Variants in GDF15 observed in about 807,000 individuals in gnomAD.
GDF15 encodes growth differentiation factor 15, also known as growth/differentiation factor 15.
Under a neutral mutation model 8.9 loss-of-function variants are expected in GDF15, and 10 were observed. The observed-to-expected ratio is 1.12, with a 90% CI of 0.69 to 1.90. GDF15 has a LOEUF of 1.90. Among genes scored for constraint, GDF15 ranks in the 40% most tolerant of loss-of-function variants. The pLI is 0.00. For missense variants in GDF15, 452 were observed against 434.2 expected (o/e 1.04, Z -0.36); for synonymous variants, 228 against 210.6 (o/e 1.08, Z -0.72).
In GDF15 at chr19:18,386,206, T is replaced by C; in HGVS notation, c.17T>C (p.Leu6Pro). ...TGCACAGCCATGCCCGGGCAAGAAC[T>C]CAGGACGGTGAATGGCTCTCAGATG... MPGQE[L>P]RTVNGSQMLL... is the part of the protein sequence containing the mutation. Residue 6 changes from leucine to proline, a missense_variant, in exon 1 of 2, where the codon CTC becomes CCC. By Grantham distance (98) the Leu-to-Pro change is moderately conservative. Transcript: ENST00000252809. The C allele has an allele frequency of 1.9e-6, 3 of 1,612,162 alleles. No individual in the cohort carries two copies. The highest frequency in any genetic ancestry group is 2.5e-6 in the Non-Finnish European group (3 of 1,179,688).
rs1405073661 is a variant in GDF15 at position 18,386,306 on chromosome 19, T to A, written c.117T>A (p.Ser39Arg). Residue 39 changes from serine (S) to arginine (R), a missense_variant, in exon 1 of 2, where the codon AGT becomes AGA. Coordinates refer to ENST00000252809, the MANE Select transcript of GDF15 (RefSeq NM_004864.4). Reference sequence around the variant, plus strand: ...CTCTGGCCGAGGCGAGCCGCGCAAGTTTCCCGGGACCCTCAGAGTTGCACT... The same window carrying A: ...CTCTGGCCGAGGCGAGCCGCGCAAGATTCCCGGGACCCTCAGAGTTGCACT... ...ALSLAEASRA[S>R]FPGPSELHSE... 6 of 1,613,946 alleles carry A rather than the reference T, an allele frequency of 3.7e-6. No homozygotes were observed. The highest frequency in any genetic ancestry group is 5.1e-6 in the Non-Finnish European group (6 of 1,180,022).
rs199673307 is a variant in GDF15 at position 18,388,495 on chromosome 19, C to CCGT, written c.490_492dup (p.Ser164dup). ...GCTGCACCTGCGACTGTCGCCGCCG[C>CCGT]CGTCGCAGTCGGACCAACTGCTGGC... On this transcript the variant is annotated inframe_insertion, in exon 2 of 2. Transcript: ENST00000252809. The surrounding 1 kb of genome is among the most constrained non-coding windows in gnomAD (Gnocchi z 4.2). 39,314 of 1,604,202 alleles carry CCGT rather than the reference C, an allele frequency of 0.025. 592 individuals carry two copies. Among genetic ancestry groups the CCGT allele is most frequent in the Middle Eastern group, 0.062 (373 of 6,052 alleles).
Position 18,388,546 on chromosome 19 carries a change from C to A in GDF15, c.538C>A (p.Leu180Met). 1 of 1,597,694 alleles carries A rather than the reference C, an allele frequency of 6.3e-7. No homozygotes were observed. Among genetic ancestry groups the A allele is most frequent in the Non-Finnish European group, 8.5e-7 (1 of 1,175,082 alleles). ...LAESSSARPQ[L>M]ELHLRPQAAR... ...AGAATCTTCGTCCGCACGGCCCCAG[C>A]TGGAGTTGCACTTGCGGCCGCAAGC... The change falls in exon 2 of 2, where the codon CTG (leucine) becomes ATG (methionine). Residue 180 changes from leucine (L) to methionine (M), a missense_variant. By Grantham distance (15) the Leu-to-Met change is conservative. Coordinates refer to ENST00000252809, the MANE Select transcript of GDF15 (RefSeq NM_004864.4). This position sits in a 1 kb window ranked among gnomAD's most constrained non-coding sequence, Gnocchi z 4.2.
chr19:18,386,348 C>A lies in GDF15; in HGVS notation c.159C>A (p.Phe53Leu). The A allele has an allele frequency of 6.2e-7, 1 of 1,614,126 alleles. No individual in the cohort carries two copies. The highest frequency in any genetic ancestry group is 8.5e-7 in the Non-Finnish European group (1 of 1,180,022). ...PSELHSEDSR[F>L]RELRKRYEDL... ...AGTTGCACTCCGAAGACTCCAGATT[C>A]CGAGAGTTGCGGAAACGCTACGAGG... Residue 53 changes from phenylalanine to leucine, a missense_variant, in exon 1 of 2, where the codon TTC (phenylalanine) becomes TTA (leucine). Transcript: ENST00000252809.
chr19:18,388,847 A>G lies in GDF15; in HGVS notation c.839A>G (p.Asn280Ser), dbSNP rs1468936594. Residue 280 changes from asparagine to serine, a missense_variant, in exon 2 of 2, where the codon AAT (asparagine) becomes AGT (serine). Transcript: ENST00000252809. The surrounding 1 kb of genome is among the most constrained non-coding windows in gnomAD (Gnocchi z 4.2). The stretch of plus-strand genomic sequence containing the variant: ...CCCTGCTGCGTGCCCGCCAGCTACA[A>G]TCCCATGGTGCTCATTCAAAAGACC... ...PAPCCVPASYNPMVLIQKTDT... is the reference protein window; with the variant it reads ...PAPCCVPASYSPMVLIQKTDT... 1 of 1,612,264 alleles carries G rather than the reference A, an allele frequency of 6.2e-7. No individual in the cohort carries two copies. The highest frequency in any genetic ancestry group is 8.5e-7 in the Non-Finnish European group (1 of 1,179,898).
chr19:18,386,390 G>A lies in GDF15; in HGVS notation c.201G>A (p.Leu67=). ...RKRYEDLLTR[L]RANQSWEDSN... is the part of the protein sequence containing the mutation. ...GCTACGAGGACCTGCTAACCAGGCTGCGGGCCAACCAGAGCTGGGAAGATT... is the reference window on the plus strand; with the variant it reads ...GCTACGAGGACCTGCTAACCAGGCTACGGGCCAACCAGAGCTGGGAAGATT... Residue 67 remains leucine, a synonymous_variant, in exon 1 of 2, where the codon CTG becomes CTA. Transcript: ENST00000252809. The A allele has an allele frequency of 6.2e-7, 1 of 1,614,058 alleles. No homozygotes were observed. Among genetic ancestry groups the A allele is most frequent in the Non-Finnish European group, 8.5e-7 (1 of 1,180,030 alleles).
At chr19:18,386,495 AC>A in intron 1 of GDF15, 29 bp downstream of exon 1, 1 of 1,518,420 alleles carries the variant, frequency 6.6e-7, no homozygotes. Context: ...ATCCCCTCCC[AC>A]CCCCCAAGCA....
At position 18,388,897 on chromosome 19, in the gene GDF15, T is replaced by C; in HGVS notation, c.889T>C (p.Tyr297His). Residue 297 changes from tyrosine (Y) to histidine (H), a missense_variant, in exon 2 of 2, where the codon TAT becomes CAT. Coordinates refer to ENST00000252809, the MANE Select transcript of GDF15 (RefSeq NM_004864.4). The surrounding 1 kb of genome is among the most constrained non-coding windows in gnomAD (Gnocchi z 4.2). Reference protein sequence around the residue: ...KTDTGVSLQTYDDLLAKDCHC... With the variant: ...KTDTGVSLQTHDDLLAKDCHC... ...CGACACCGGGGTGTCGCTCCAGACC[T>C]ATGATGACTTGTTAGCCAAAGACTG... The C allele has an allele frequency of 6.2e-7, 1 of 1,610,402 alleles. No individual in the cohort carries two copies. Among genetic ancestry groups the C allele is most frequent in the South Asian group, 1.1e-5 (1 of 91,004 alleles).
At position 18,388,700 on chromosome 19, in the gene GDF15, C is replaced by A. The variant is rs748621260; in HGVS notation, c.692C>A (p.Ser231Ter). ...CTGGGCTGGGCCGATTGGGTGCTGT[C>A]GCCACGGGAGGTGCAAGTGACCATG... Reference protein sequence around the residue: ...EDLGWADWVLSPREVQVTMCI... With the variant: ...EDLGWADWVL The change falls in exon 2 of 2, where the codon TCG (serine) becomes TAG (stop). Residue 231 changes from serine (S) to a stop codon, truncating the protein, a stop_gained. Transcript: ENST00000252809. LOFTEE classifies it low-confidence loss of function (END_TRUNC). This position sits in a 1 kb window ranked among gnomAD's most constrained non-coding sequence, Gnocchi z 4.2. 3 of 1,608,500 alleles carry A rather than the reference C, an allele frequency of 1.9e-6. No homozygotes were observed. The highest frequency in any genetic ancestry group is 2.5e-6 in the Non-Finnish European group (3 of 1,178,596).
At chr19:18,387,486 C>A (rs1397948734) in intron 1 of GDF15, among the ~76,000 whole-genome samples, 1 of 152,116 alleles carries the variant, frequency 6.6e-6, no homozygotes, top group African/African-American at 2.4e-5. Flanking sequence ...GCCATGAGTG[C>A]CCCACTGCAC....
Position 18,388,761 on chromosome 19 carries a change from A to G in GDF15, c.753A>G (p.Ala251=). The G allele has an allele frequency of 6.2e-7, 1 of 1,609,962 alleles. No homozygotes were observed. The highest frequency in any genetic ancestry group is 2.2e-5 in the East Asian group (1 of 44,862). The change falls in exon 2 of 2, where the codon GCA becomes GCG. Residue 251 remains alanine (A), a synonymous_variant. Coordinates refer to ENST00000252809, the MANE Select transcript of GDF15 (RefSeq NM_004864.4). The surrounding 1 kb of genome is among the most constrained non-coding windows in gnomAD (Gnocchi z 4.2). ...CGTGCCCGAGCCAGTTCCGGGCGGC[A>G]AACATGCACGCGCAGATCAAGACGA... The part of the protein sequence containing the change: ...IGACPSQFRA[A]NMHAQIKTSL...
Position 18,388,804 on chromosome 19 carries a change from C to A in GDF15, c.796C>A (p.Pro266Thr), listed in dbSNP as rs1453966055. ...CAAGACGAGCCTGCACCGCCTGAAG[C>A]CCGACACGGTGCCAGCGCCCTGCTG... is the stretch of plus-strand genomic sequence containing the variant. ...QIKTSLHRLK[P>T]DTVPAPCCVP... Residue 266 changes from proline (P) to threonine (T), a missense_variant, in exon 2 of 2, where the codon CCC becomes ACC. Pro to Thr is a conservative substitution (Grantham distance 38). Coordinates refer to ENST00000252809, the MANE Select transcript of GDF15 (RefSeq NM_004864.4). This position sits in a 1 kb window ranked among gnomAD's most constrained non-coding sequence, Gnocchi z 4.2. 6.2e-7 allele frequency: 1 copy of A among 1,611,950 alleles called. No individual in the cohort carries two copies. Among genetic ancestry groups the A allele is most frequent in the Admixed American group, 1.7e-5 (1 of 59,998 alleles).
rs755483029 is a variant in GDF15, at chr19:18,388,373, G to T, written c.365G>T (p.Arg122Leu). ...EGLPEASRLH[R>L]ALFRLSPTAS... The stretch of plus-strand genomic sequence containing the variant: ...CTCCCCGAGGCCTCCCGCCTTCACC[G>T]GGCTCTGTTCCGGCTGTCCCCGACG... Residue 122 changes from arginine (R) to leucine (L), a missense_variant, in exon 2 of 2, where the codon CGG (arginine) becomes CTG (leucine). Arg to Leu is a moderately radical substitution (Grantham distance 102). Coordinates refer to ENST00000252809, the MANE Select transcript of GDF15 (RefSeq NM_004864.4). This position sits in a 1 kb window ranked among gnomAD's most constrained non-coding sequence, Gnocchi z 4.2. 2.5e-6 allele frequency: 4 copies of T among 1,611,708 alleles called. No individual in the cohort carries two copies. The highest frequency in any genetic ancestry group is 3.4e-6 in the Non-Finnish European group (4 of 1,179,742).
At position 18,388,704 on chromosome 19, in the gene GDF15, A is replaced by G. The variant is rs141640567; in HGVS notation, c.696A>G (p.Pro232=). 227 of 1,608,726 alleles carry G rather than the reference A, an allele frequency of 1.4e-4. No individual in the cohort carries two copies. In the African/African-American group the frequency reaches 2.6e-3, roughly 19 times the overall value. ...DLGWADWVLS[P]REVQVTMCIG... is the part of the protein sequence containing the mutation. ...GCTGGGCCGATTGGGTGCTGTCGCC[A>G]CGGGAGGTGCAAGTGACCATGTGCA... The change falls in exon 2 of 2, where the codon CCA becomes CCG. Residue 232 remains proline (P), a synonymous_variant. Transcript: ENST00000252809. This position sits in a 1 kb window ranked among gnomAD's most constrained non-coding sequence, Gnocchi z 4.2.
Position 18,388,976 on chromosome 19 carries a change from C to G in GDF15, c.*41C>G. The G allele has an allele frequency of 7.0e-7, 1 of 1,430,728 alleles. No homozygotes were observed. Among genetic ancestry groups the G allele is most frequent in the Non-Finnish European group, 9.6e-7 (1 of 1,046,436 alleles). 88.6% of individuals were successfully genotyped at this position (1,430,728 alleles called of 1,614,324 possible). A position where few individuals can be genotyped will look rare whatever the true frequency, so the allele number is the denominator to read the frequency against. On this transcript the variant is annotated 3_prime_UTR_variant, in exon 2 of 2. Transcript: ENST00000252809. The surrounding 1 kb of genome is among the most constrained non-coding windows in gnomAD (Gnocchi z 4.2). ...CCACTGTGCACCTGCGCGGAGGACG[C>G]GACCTCAGTTGTCCTGCCCTGTGGA...
Position 18,388,598 on chromosome 19 carries a change from C to A in GDF15, c.590C>A (p.Ala197Glu), listed in dbSNP as rs1390719432. The change falls in exon 2 of 2, where the codon GCG becomes GAG. Residue 197 changes from alanine (A) to glutamate (E), a missense_variant. Transcript: ENST00000252809. The surrounding 1 kb of genome is among the most constrained non-coding windows in gnomAD (Gnocchi z 4.2). ...GCCAGGGGGCGCCGCAGAGCGCGTG[C>A]GCGCAACGGGGACCACTGTCCGCTC... is the stretch of plus-strand genomic sequence containing the variant. Reference protein sequence around the residue: ...QAARGRRRARARNGDHCPLGP... With the variant: ...QAARGRRRARERNGDHCPLGP... 5 of 1,600,558 alleles carry A rather than the reference C, an allele frequency of 3.1e-6. No individual in the cohort carries two copies. The highest frequency in any genetic ancestry group is 3.4e-6 in the Non-Finnish European group (4 of 1,176,906).
Position 18,386,444 on chromosome 19 carries a change from A to G in GDF15, c.255A>G (p.Ala85=). ...DSNTDLVPAP[A]VRILTPEVRL... Reference sequence around the variant, plus strand: ...ACACCGACCTCGTCCCGGCCCCTGCAGTCCGGATACTCACGCCAGAAGGTA... The same window carrying G: ...ACACCGACCTCGTCCCGGCCCCTGCGGTCCGGATACTCACGCCAGAAGGTA... Residue 85 remains alanine, a synonymous_variant, in exon 1 of 2, where the codon GCA becomes GCG. Transcript: ENST00000252809. 6.2e-7 allele frequency: 1 copy of G among 1,613,128 alleles called. No homozygotes were observed. The highest frequency in any genetic ancestry group is 8.5e-7 in the Non-Finnish European group (1 of 1,179,824).
chr19:18,388,564 C>A lies in GDF15; in HGVS notation c.556C>A (p.Pro186Thr). The A allele has an allele frequency of 6.3e-7, 1 of 1,597,542 alleles. No homozygotes were observed. The highest frequency in any genetic ancestry group is 8.5e-7 in the Non-Finnish European group (1 of 1,175,440). ...GCCCCAGCTGGAGTTGCACTTGCGGCCGCAAGCCGCCAGGGGGCGCCGCAG... is the reference window on the plus strand; with the variant it reads ...GCCCCAGCTGGAGTTGCACTTGCGGACGCAAGCCGCCAGGGGGCGCCGCAG... ...ARPQLELHLR[P>T]QAARGRRRAR... The change falls in exon 2 of 2, where the codon CCG becomes ACG. Residue 186 changes from proline to threonine, a missense_variant. Pro to Thr is a conservative substitution (Grantham distance 38). Transcript: ENST00000252809. This position sits in a 1 kb window ranked among gnomAD's most constrained non-coding sequence, Gnocchi z 4.2.
At position 18,388,876 on chromosome 19, in the gene GDF15, ACC is replaced by A; in HGVS notation, c.869_870del (p.Thr290ArgfsTer8). 6.2e-7 allele frequency: 1 copy of A among 1,611,686 alleles called. No individual in the cohort carries two copies. Among genetic ancestry groups the A allele is most frequent in the Non-Finnish European group, 8.5e-7 (1 of 1,179,684 alleles). On this transcript the variant is annotated frameshift_variant, in exon 2 of 2. Coordinates refer to ENST00000252809, the MANE Select transcript of GDF15 (RefSeq NM_004864.4). LOFTEE classifies it high-confidence loss of function. The surrounding 1 kb of genome is among the most constrained non-coding windows in gnomAD (Gnocchi z 4.2). The part of the protein sequence containing the change: ...NPMVLIQKTD[T>X]GVSLQTYDDL... ...CATGGTGCTCATTCAAAAGACCGAC[ACC>A]GGGGTGTCGCTCCAGACCTATGATG... is the stretch of plus-strand genomic sequence containing the variant.
Sources: allele counts gnomAD v4.1 joint callset (sites outside exome capture counted in the v4.1 genomes callset), GRCh38; gene constraint gnomAD v4.1.1; non-coding constraint Gnocchi (gnomAD v3.1); transcripts MANE v1.5; gene names NCBI Gene and HGNC (gene_info 2026-07-23, HGNC 2026-07-21).